Variants in FUT8 observed in about 807,000 individuals in gnomAD.
The protein encoded by FUT8 is alpha-(1,6)-fucosyltransferase.
In FUT8, 29 loss-of-function variants were observed where a neutral mutation model predicts 71.3. The observed-to-expected ratio is 0.41, with a 90% CI of 0.30 to 0.55. The LOEUF (loss-of-function observed/expected upper bound fraction) is 0.55. Ranked by LOEUF, FUT8 falls within the 20% of genes least tolerant of loss-of-function variation. The probability of loss-of-function intolerance (pLI) is 0.34; values close to 1 mark genes in which losing one functional copy is unlikely to be tolerated. For synonymous variants in FUT8, 254 were observed against 239.3 expected (o/e 1.06, Z -0.57); for missense variants, 544 against 702.1 (o/e 0.77, Z 2.55).
intron 1 of FUT8, among the ~76,000 whole-genome samples, chr14:65,447,803 A>G (rs971333078): frequency 5.9e-5 from 9 of 152,190 alleles, no homozygotes; most frequent in African/African-American, 4.8e-5. Flanking sequence ...CTAGACATCT[A>G]GGGATAATGA....
intron 7 of FUT8, among the ~76,000 whole-genome samples, chr14:65,682,182 GT>G (rs1893067525): frequency 6.6e-6 from 1 of 152,276 alleles, no homozygotes; most frequent in African/African-American, 2.4e-5. Flanking sequence ...AATGTGGTTA[GT>G]GATGTTATTA....
intron 2 of FUT8, among the ~76,000 whole-genome samples, chr14:65,504,667 A>G: frequency 6.6e-6 from 1 of 152,198 alleles, no homozygotes. Context: ...CTCCTGCCTC[A>G]GCCTCCTGAA....
At chr14:65,611,756 G>A (rs1193982786) in intron 3 of FUT8, among the ~76,000 whole-genome samples, 1 of 152,068 alleles carries the variant, frequency 6.6e-6, no homozygotes, top group Non-Finnish European at 1.5e-5. Flanking sequence ...TGCCTCTTGG[G>A]TTCAAGCAGT....
intron 2 of FUT8, among the ~76,000 whole-genome samples, chr14:65,512,486 A>G (rs544081227): frequency 2.0e-5 from 3 of 152,258 alleles, no homozygotes; most frequent in Admixed American, 2.0e-4. Flanking sequence ...ATCTTATGGG[A>G]CCACTCATAT....
intron 2 of FUT8, among the ~76,000 whole-genome samples, chr14:65,546,936 A>C (rs1019927248): frequency 2.6e-5 from 4 of 151,698 alleles, no homozygotes; most frequent in African/African-American, 9.7e-5. Flanking sequence ...CAAGTAATCT[A>C]TTCTTTATTG....
chr14:65,681,815 C>T (rs1893053496), intron 7 of FUT8, among the ~76,000 whole-genome samples: 1 of 152,156 alleles, frequency 6.6e-6, no homozygotes, highest in Admixed American at 6.5e-5. Context: ...CACAATAACC[C>T]TTATTATCCA....
intron 1 of FUT8, among the ~76,000 whole-genome samples, chr14:65,428,907 G>A (rs1179459077): frequency 6.6e-6 from 1 of 152,142 alleles, no homozygotes; most frequent in Non-Finnish European, 1.5e-5. Context: ...TAGTCAAGTG[G>A]GGTTAGATAG....
intron 1 of FUT8, among the ~76,000 whole-genome samples, chr14:65,434,457 C>CG (rs1191008831): frequency 1.3e-5 from 2 of 152,130 alleles, no homozygotes; most frequent in South Asian, 2.1e-4. Flanking sequence ...CCACACAAAT[C>CG]GGGGGTAGTG....
At chr14:65,410,621 G>A (rs2065112559), upstream of FUT8, 1 of 136,590 alleles carries the variant, frequency 7.3e-6, no homozygotes. Flanking sequence ...GGGAAAATAA[G>A]TGCTTTAATT....
intron 3 of FUT8, among the ~76,000 whole-genome samples, chr14:65,604,571 C>A (rs530146609): frequency 6.6e-6 from 1 of 151,850 alleles, no homozygotes; most frequent in South Asian, 2.1e-4. Context: ...GTGATACAGC[C>A]TATCAAAACC....
At chr14:65,541,696 C>T (rs1884688194) in intron 2 of FUT8, among the ~76,000 whole-genome samples, 1 of 152,178 alleles carries the variant, frequency 6.6e-6, no homozygotes, top group Admixed American at 6.5e-5. Flanking sequence ...TCTGGGAACA[C>T]CCTCACTGAC....
chr14:65,738,767 G>A (rs1054165555), intron 10 of FUT8, among the ~76,000 whole-genome samples: 1 of 152,060 alleles, frequency 6.6e-6, no homozygotes, highest in Non-Finnish European at 1.5e-5. Context: ...TTAGCCTTTT[G>A]CAGTAAATTG....
At chr14:65,664,825 G>T (rs969593372) in intron 6 of FUT8, among the ~76,000 whole-genome samples, 1 of 152,110 alleles carries the variant, frequency 6.6e-6, no homozygotes, top group Non-Finnish European at 1.5e-5. Context: ...AAAAGCTTCT[G>T]TTCTTGGAAT....
At position 65,729,081 on chromosome 14, in the gene FUT8, G is replaced by A. The variant is rs188212532; in HGVS notation, c.1260-4150G>A. Among the ~76,000 whole-genome samples, 350 of 129,324 alleles carry A rather than the reference G, an allele frequency of 2.7e-3. 1 individual carries two copies. The highest frequency in any genetic ancestry group is 4.7e-3 in the African/African-American group (157 of 33,580). 84.8% of individuals were successfully genotyped at this position (129,324 alleles called of 152,430 possible). A position where few individuals can be genotyped will look rare whatever the true frequency, so the allele number is the denominator to read the frequency against. ...TGCTTTGTCACCCAGGCTGGAATGC[G>A]TTGGTGCAAGCATGGCTCACTGCAG... On this transcript the variant is annotated intron_variant, in intron 9 of 10. Coordinates refer to ENST00000673929, the MANE Select transcript of FUT8 (RefSeq NM_001371533.1).
intron 3 of FUT8, among the ~76,000 whole-genome samples, chr14:65,579,640 A>C (rs957887977): frequency 3.3e-5 from 5 of 152,164 alleles, no homozygotes; most frequent in Non-Finnish European, 1.5e-5. Flanking sequence ...TTATTTGATC[A>C]GTAATACAAA....
chr14:65,497,084 A>G (rs543249778), intron 2 of FUT8, among the ~76,000 whole-genome samples: 1 of 152,342 alleles, frequency 6.6e-6, no homozygotes, highest in African/African-American at 2.4e-5. Flanking sequence ...ACTGTGTTAC[A>G]TACTTCATAT....
intron 6 of FUT8, among the ~76,000 whole-genome samples, chr14:65,667,788 A>C (rs1009660024): frequency 6.6e-6 from 1 of 152,228 alleles, no homozygotes; most frequent in African/African-American, 2.4e-5. Context: ...GCAAGGCTGC[A>C]GTAACCATGG....
intron 1 of FUT8, among the ~76,000 whole-genome samples, chr14:65,447,754 T>G (rs533571893): frequency 6.6e-6 from 1 of 152,266 alleles, no homozygotes; most frequent in East Asian, 1.9e-4. Flanking sequence ...GGAGGAGACC[T>G]TTAAAATTTA....
At chr14:65,375,633 T>A in the FUT8 span, among the ~76,000 whole-genome samples, 1 of 150,298 alleles carries the variant, frequency 6.7e-6, no homozygotes, top group African/African-American at 2.4e-5. Context: ...ATGAAAAGAA[T>A]AGGGCGGGAG....
Sources: gnomAD v4.1 joint callset for allele counts (sites outside exome capture counted in the v4.1 genomes callset) on GRCh38, gnomAD v4.1.1 for gene constraint, MANE v1.5 for transcripts, NCBI Gene and HGNC (gene_info 2026-07-23, HGNC 2026-07-21) for gene names.